PTPRN2: variants seen among roughly 807,000 people sequenced by gnomAD.
PTPRN2 encodes the protein protein tyrosine phosphatase receptor type N2, also known as receptor-type tyrosine-protein phosphatase N2.
PTPRN2 carries 74 observed loss-of-function variants against 118.8 expected under a neutral mutation model. The observed-to-expected ratio is 0.62, with a 90% confidence interval of 0.52 to 0.76. The LOEUF is 0.76. Among genes scored for constraint, PTPRN2 ranks in the 30% least tolerant of loss-of-function variants. PTPRN2 has a pLI of 0.00. For missense variants in PTPRN2, 1,481 were observed against 1,394.4 expected, an observed-to-expected ratio of 1.06 and a Z score of -0.99; for synonymous variants, 641 against 608.0, an observed-to-expected ratio of 1.05 and a Z score of -0.80.
intron 14 of PTPRN2, among the ~76,000 whole-genome samples, chr7:157,646,845 G>A (rs1324717676): frequency 9.9e-5 from 15 of 151,986 alleles, no homozygotes; most frequent in Non-Finnish European, 1.6e-4. Context: ...CCCATCCAGC[G>A]TGCACCGAAC....
chr7:157,680,425 G>C (rs1386994822), intron 13 of PTPRN2, among the ~76,000 whole-genome samples: 1 of 152,218 alleles, frequency 6.6e-6, no homozygotes, highest in Non-Finnish European at 1.5e-5. Context: ...TCATGGCTGT[G>C]ATAGAAAACC....
chr7:158,343,851 T>G (rs1374185587), intron 2 of PTPRN2, among the ~76,000 whole-genome samples: 1 of 152,164 alleles, frequency 6.6e-6, no homozygotes, highest in Non-Finnish European at 1.5e-5. Context: ...CTGCTCCCAG[T>G]GGAATCACAG....
intron 14 of PTPRN2, among the ~76,000 whole-genome samples, chr7:157,635,900 C>T (rs190477196): frequency 6.6e-6 from 1 of 152,364 alleles, no homozygotes; most frequent in East Asian, 1.9e-4. Flanking sequence ...AATGCATGAG[C>T]AGCTCTGGAC....
Position 158,517,884 on chromosome 7 carries a change from G to A in PTPRN2, c.113-28099C>T, listed in dbSNP as rs527685001. ...AGGCCTTCACTAACATGCCACTGCAGAAAAACCTTCCCTCCCCCCCAGTCT... is the reference window on the plus strand; with the variant it reads ...AGGCCTTCACTAACATGCCACTGCAAAAAAACCTTCCCTCCCCCCCAGTCT... On this transcript the variant is annotated intron_variant, in intron 1 of 22. Transcript: ENST00000389418. The surrounding 1 kb of genome is among the most constrained non-coding windows in gnomAD (Gnocchi z 5.3). Among the ~76,000 whole-genome samples, 10 of 152,202 alleles carry A rather than the reference G, an allele frequency of 6.6e-5. No individual in the cohort carries two copies. The highest frequency in any genetic ancestry group is 2.4e-4 in the African/African-American group (10 of 41,522).
intron 4 of PTPRN2, among the ~76,000 whole-genome samples, chr7:158,203,273 G>GAAAAAGGA (rs1463489876): frequency 8.4e-6 from 1 of 119,544 alleles, no homozygotes; most frequent in African/African-American, 3.0e-5. Context: ...AAAGAGGAAA[G>GAAAAAGGA]AAAAAGGAAG....
intron 2 of PTPRN2, among the ~76,000 whole-genome samples, chr7:158,379,749 G>A (rs1475755021): frequency 2.0e-5 from 3 of 152,158 alleles, no homozygotes; most frequent in African/African-American, 7.2e-5. Context: ...CAGGTGGATG[G>A]GGACCCCCTA....
intron 12 of PTPRN2, among the ~76,000 whole-genome samples, chr7:157,720,549 G>C (rs1799173341): frequency 6.6e-6 from 1 of 152,236 alleles, no homozygotes; most frequent in South Asian, 2.1e-4. Context: ...CTGAGCCAAG[G>C]ACACTGCGGC....
At position 158,110,820 on chromosome 7, in the gene PTPRN2, C is replaced by T. The variant is rs375649197; in HGVS notation, c.1643+9G>A. On this transcript the variant is annotated intron_variant, in intron 10 of 22. Coordinates refer to ENST00000389418, the MANE Select transcript of PTPRN2 (RefSeq NM_002847.5). ...GAGCCAAACAGAAACCCCAGGGCCCCGTACTTACTCCACGTCAGCGAACGC... is the reference window on the plus strand; with the variant it reads ...GAGCCAAACAGAAACCCCAGGGCCCTGTACTTACTCCACGTCAGCGAACGC... 648 of 1,575,750 alleles carry T rather than the reference C, an allele frequency of 4.1e-4. 4 individuals are homozygous for T. The highest frequency in any genetic ancestry group is 3.1e-4 in the Non-Finnish European group (363 of 1,159,856).
At chr7:158,253,804 G>A (rs1796844269) in intron 3 of PTPRN2, among the ~76,000 whole-genome samples, 1 of 152,194 alleles carries the variant, frequency 6.6e-6, no homozygotes, top group African/African-American at 2.4e-5. Flanking sequence ...CGCAGAAGTC[G>A]AGCTGGGCAA....
At chr7:158,405,017 C>A in intron 2 of PTPRN2, among the ~76,000 whole-genome samples, 1 of 148,052 alleles carries the variant, frequency 6.8e-6, no homozygotes, top group Admixed American at 6.7e-5. Context: ...GGCCTCAGCT[C>A]CCCGGCCCCA....
At chr7:157,835,152 C>T (rs1584821076) in intron 12 of PTPRN2, among the ~76,000 whole-genome samples, 1 of 152,246 alleles carries the variant, frequency 6.6e-6, no homozygotes, top group East Asian at 1.9e-4. Flanking sequence ...GTCCTGAGCC[C>T]CCTAGGACAA....
intron 2 of PTPRN2, among the ~76,000 whole-genome samples, chr7:158,378,979 A>C (rs957661844): frequency 2.0e-5 from 3 of 152,238 alleles, no homozygotes; most frequent in African/African-American, 7.2e-5. Context: ...ATTTATTGAC[A>C]GTGCATCTGC....
intron 9 of PTPRN2, among the ~76,000 whole-genome samples, chr7:158,131,530 T>TAC (rs796300272): frequency 3.6e-5 from 5 of 138,728 alleles, no homozygotes; most frequent in Admixed American, 2.2e-4. Flanking sequence ...CACACACTCA[T>TAC]ACACACACAC....
chr7:157,783,995 T>G (rs74842052), intron 12 of PTPRN2, among the ~76,000 whole-genome samples: 1,668 of 152,256 alleles, frequency 0.011, 41 homozygotes, highest in African/African-American at 0.038. Context: ...CAGGAGTAAA[T>G]TCAGGATGAG....
intron 2 of PTPRN2, among the ~76,000 whole-genome samples, chr7:158,377,656 G>C (rs1563219594): frequency 1.3e-5 from 2 of 152,178 alleles, no homozygotes; most frequent in African/African-American, 4.8e-5. Flanking sequence ...AATGAAAATG[G>C]AGTTCACAGG....
intron 1 of PTPRN2, among the ~76,000 whole-genome samples, chr7:158,495,041 A>G (rs1210629941): frequency 6.6e-6 from 1 of 151,970 alleles, no homozygotes; most frequent in African/African-American, 2.4e-5. Context: ...ACAGCCTTAA[A>G]AAAAACCATG....
intron 18 of PTPRN2, 63 bp from the exon 19 acceptor site, chr7:157,576,842 G>GT: frequency 6.9e-7 from 1 of 1,451,998 alleles, no homozygotes; most frequent in Non-Finnish European, 9.4e-7. Flanking sequence ...CCGAACCTCA[G>GT]GCACTGAGGA....
At position 157,893,814 on chromosome 7, in the gene PTPRN2, CG is replaced by C. The variant is rs1796947050; in HGVS notation, c.1788+4858del. Among the ~76,000 whole-genome samples the C allele has an allele frequency of 6.6e-6, 1 of 152,110 alleles. No individual in the cohort carries two copies. Among genetic ancestry groups the C allele is most frequent in the African/African-American group, 2.4e-5 (1 of 41,414 alleles). On this transcript the variant is annotated intron_variant, in intron 12 of 22. Coordinates refer to ENST00000389418, the MANE Select transcript of PTPRN2 (RefSeq NM_002847.5). This position sits in a 1 kb window ranked among gnomAD's most constrained non-coding sequence, Gnocchi z 4.0. The stretch of plus-strand genomic sequence containing the variant: ...GTGAGTTCCCCACAGGAGACAGCAC[CG>C]GCAGAAAGGAGGAGGGAGCCAGGCC...
At chr7:157,755,179 C>G (rs1351026769) in intron 12 of PTPRN2, among the ~76,000 whole-genome samples, 1 of 152,092 alleles carries the variant, frequency 6.6e-6, no homozygotes, top group African/African-American at 2.4e-5. Context: ...GCCACCACAC[C>G]CAGACAATAT....
Sources: allele counts gnomAD v4.1 joint callset (sites outside exome capture counted in the v4.1 genomes callset), GRCh38; gene constraint gnomAD v4.1.1; non-coding constraint Gnocchi (gnomAD v3.1); transcripts MANE v1.5; gene names NCBI Gene and HGNC (gene_info 2026-07-23, HGNC 2026-07-21).